STXBP5L: variants seen among roughly 807,000 people sequenced by gnomAD.
The protein encoded by STXBP5L is syntaxin binding protein 5L.
In STXBP5L, 65 loss-of-function variants were observed where a neutral mutation model predicts 144.5. That is an observed-to-expected ratio of 0.45 (90% CI 0.37 to 0.55). The LOEUF (loss-of-function observed/expected upper bound fraction) is 0.55. Ranked by LOEUF, STXBP5L falls within the 20% of genes least tolerant of loss-of-function variation. The pLI is 0.00. For synonymous variants in STXBP5L, 505 were observed against 469.6 expected (o/e 1.08, Z -0.97); for missense variants, 1,298 against 1,405.5 (o/e 0.92, Z 1.22).
intron 3 of STXBP5L, among the ~76,000 whole-genome samples, chr3:120,977,279 G>A (rs1430295424): frequency 6.6e-6 from 1 of 152,196 alleles, no homozygotes; most frequent in African/African-American, 2.4e-5. Flanking sequence ...TTGTTGAATT[G>A]ATCCCTTTAC....
chr3:120,915,873 G>C (rs2107565012), intron 2 of STXBP5L, among the ~76,000 whole-genome samples: 1 of 152,112 alleles, frequency 6.6e-6, no homozygotes, highest in African/African-American at 2.4e-5. Flanking sequence ...GTATATAGTG[G>C]GTTCACCATG....
intron 5 of STXBP5L, among the ~76,000 whole-genome samples, chr3:121,053,944 A>C (rs550233735): frequency 6.6e-6 from 1 of 152,180 alleles, no homozygotes; most frequent in Non-Finnish European, 1.5e-5. Context: ...ATGAACAGAC[A>C]CTTCTCAAAA....
At chr3:120,909,529 A>T in intron 1 of STXBP5L, 42 bp from the exon 2 acceptor site, 1 of 1,559,920 alleles carries the variant, frequency 6.4e-7, no homozygotes, top group Non-Finnish European at 8.7e-7. Flanking sequence ...TGCACGTGTT[A>T]AGTCACCTCT....
intron 20 of STXBP5L, among the ~76,000 whole-genome samples, chr3:121,342,791 G>A (rs1295162177): frequency 6.9e-6 from 1 of 145,932 alleles, no homozygotes; most frequent in Non-Finnish European, 1.5e-5. Flanking sequence ...ATTGTGAATA[G>A]TGCCACAATA....
At chr3:121,386,577 A>C (rs2046430611) in intron 22 of STXBP5L, among the ~76,000 whole-genome samples, 1 of 150,660 alleles carries the variant, frequency 6.6e-6, no homozygotes, top group Non-Finnish European at 1.5e-5. Context: ...GACAGGTCCC[A>C]GTGTGTGATG....
intron 20 of STXBP5L, among the ~76,000 whole-genome samples, chr3:121,336,941 T>C (rs2044527604): frequency 6.6e-6 from 1 of 152,184 alleles, no homozygotes; most frequent in Middle Eastern, 3.2e-3. Flanking sequence ...TGAGATCATG[T>C]CCTTTGCAGG....
intron 3 of STXBP5L, among the ~76,000 whole-genome samples, chr3:120,996,403 ATAGTC>A (rs1325492250): frequency 6.6e-6 from 1 of 152,130 alleles, no homozygotes; most frequent in Non-Finnish European, 1.5e-5. Flanking sequence ...ACTGATTACT[ATAGTC>A]AAGTCAATTA....
At chr3:121,150,417 T>A (rs2045891179) in intron 7 of STXBP5L, among the ~76,000 whole-genome samples, 2 of 152,132 alleles carry the variant, frequency 1.3e-5, no homozygotes, top group South Asian at 4.1e-4. Flanking sequence ...CCTTGTCTAA[T>A]GTCTCCTGGA....
rs1415463935 is a variant in STXBP5L at position 121,422,961 on chromosome 3, A to G, written c.*3864A>G. 6.6e-6 allele frequency: 1 copy of G among 152,096 alleles called. No individual in the cohort carries two copies. Among genetic ancestry groups the G allele is most frequent in the Admixed American group, 6.6e-5 (1 of 15,262 alleles). The allele number at this position is 152,096 out of a possible 1,614,324, so 9.4% of individuals were successfully genotyped here. Reference sequence around the variant, plus strand: ...CCTAACATTGGTTGAAGAAGATTAAAATAGATTCTTATATTCAAGCAGAAG... The same window carrying G: ...CCTAACATTGGTTGAAGAAGATTAAGATAGATTCTTATATTCAAGCAGAAG... On this transcript the variant is annotated 3_prime_UTR_variant, in exon 27 of 27. Transcript: ENST00000471454.
chr3:121,295,557 A>G (rs986947887), intron 19 of STXBP5L, among the ~76,000 whole-genome samples: 1 of 152,194 alleles, frequency 6.6e-6, no homozygotes, highest in Non-Finnish European at 1.5e-5. Context: ...CAACAAAAAC[A>G]TACAAAATAC....
intron 20 of STXBP5L, among the ~76,000 whole-genome samples, chr3:121,344,424 T>A (rs1029438386): frequency 4.6e-5 from 7 of 151,660 alleles, no homozygotes; most frequent in Non-Finnish European, 8.8e-5. Flanking sequence ...TAGAATACTA[T>A]TAAGTGCAAC....
At chr3:121,295,768 T>C (rs2051626940) in intron 19 of STXBP5L, among the ~76,000 whole-genome samples, 1 of 152,158 alleles carries the variant, frequency 6.6e-6, no homozygotes, top group South Asian at 2.1e-4. Flanking sequence ...ACAATGTATT[T>C]CTACAACAAA....
chr3:121,396,692 A>C (rs1244097293), intron 22 of STXBP5L, among the ~76,000 whole-genome samples: 1 of 152,228 alleles, frequency 6.6e-6, no homozygotes, highest in Non-Finnish European at 1.5e-5. Context: ...CTGTATCTGC[A>C]TTTGAGACCA....
chr3:121,368,535 T>A (rs188605735), intron 20 of STXBP5L, among the ~76,000 whole-genome samples: 3 of 152,236 alleles, frequency 2.0e-5, no homozygotes, highest in African/African-American at 7.2e-5. Context: ...CCTGTCTCTT[T>A]GTGTACATTA....
rs1358427915 is a variant in STXBP5L, at chr3:121,421,810, T to C, written c.*2713T>C. 2 of 152,192 alleles carry C rather than the reference T, an allele frequency of 1.3e-5. No homozygotes were observed. The highest frequency in any genetic ancestry group is 3.9e-4 in the East Asian group (2 of 5,190). The allele number at this position is 152,192 out of a possible 1,614,324, so 9.4% of individuals were successfully genotyped here. On this transcript the variant is annotated 3_prime_UTR_variant, in exon 27 of 27. Coordinates refer to ENST00000471454, the MANE Select transcript of STXBP5L (RefSeq NM_001308330.2). ...CCTCAGTGAATAGATCAAAAGTTTA[T>C]AATTAGCACACCAATTGGAAGTAAA...
At chr3:121,331,149 C>T (rs927945195) in intron 20 of STXBP5L, among the ~76,000 whole-genome samples, 1 of 152,188 alleles carries the variant, frequency 6.6e-6, no homozygotes, top group African/African-American at 2.4e-5. Context: ...ACAGAAGAAT[C>T]CAGATGGCAG....
At chr3:120,955,685 C>A (rs961768326) in intron 3 of STXBP5L, among the ~76,000 whole-genome samples, 19 of 151,970 alleles carry the variant, frequency 1.3e-4, no homozygotes, top group Non-Finnish European at 1.5e-5. Flanking sequence ...TCTTAAAAAA[C>A]TATAGTGTAA....
At chr3:121,335,977 C>A (rs1226691802) in intron 20 of STXBP5L, among the ~76,000 whole-genome samples, 1 of 152,116 alleles carries the variant, frequency 6.6e-6, no homozygotes, top group Non-Finnish European at 1.5e-5. Flanking sequence ...ACAGTGTAAA[C>A]AGACAGCCTA....
chr3:121,343,701 G>T (rs990739117), intron 20 of STXBP5L, among the ~76,000 whole-genome samples: 1 of 152,048 alleles, frequency 6.6e-6, no homozygotes, highest in African/African-American at 2.4e-5. Context: ...GGGACGTGAA[G>T]GACCTCTTCA....
Sources: gnomAD v4.1 joint callset for allele counts (sites outside exome capture counted in the v4.1 genomes callset) on GRCh38, gnomAD v4.1.1 for gene constraint, MANE v1.5 for transcripts, NCBI Gene and HGNC (gene_info 2026-07-23, HGNC 2026-07-21) for gene names.